The following CNTNAP5 variants were observed in gnomAD, a reference collection of about 807,000 sequenced individuals.
CNTNAP5 encodes contactin associated protein family member 5.
A neutral mutation model predicts 150.2 loss-of-function variants in CNTNAP5; 72 were observed. The ratio of observed to expected loss-of-function variants is 0.48; its 90% CI spans 0.40 to 0.58. The LOEUF is 0.58. CNTNAP5 is among the 20% of genes least tolerant of loss of function. The pLI, the probability that CNTNAP5 is intolerant of heterozygous loss-of-function variation, is 0.00. For synonymous variants in CNTNAP5, 672 were observed against 619.8 expected (o/e 1.08, Z -1.25); for missense variants, 1,636 against 1,626.2 (o/e 1.01, Z -0.10).
At chr2:124,259,483 A>T (rs1051143366) in intron 3 of CNTNAP5, among the ~76,000 whole-genome samples, 4 of 152,124 alleles carry the variant, frequency 2.6e-5, no homozygotes, top group African/African-American at 9.7e-5. Context: ...AACAGTGTAA[A>T]AGTGTTCCTA....
intron 1 of CNTNAP5, among the ~76,000 whole-genome samples, chr2:124,169,023 G>T (rs1176441596): frequency 1.3e-5 from 2 of 151,928 alleles, no homozygotes; most frequent in African/African-American, 4.8e-5. Flanking sequence ...TGCCCACTTA[G>T]AATCAGTAGG....
intron 21 of CNTNAP5, among the ~76,000 whole-genome samples, chr2:124,876,556 T>C (rs531581303): frequency 1.3e-5 from 2 of 152,110 alleles, no homozygotes; most frequent in East Asian, 1.9e-4. Context: ...AGTTCAAATA[T>C]GTTGCGGTAT....
At chr2:124,423,593 G>A (rs1372815136) in intron 4 of CNTNAP5, among the ~76,000 whole-genome samples, 4 of 143,590 alleles carry the variant, frequency 2.8e-5, no homozygotes, top group African/African-American at 7.8e-5. Flanking sequence ...TGATCCGCCC[G>A]CCTCAGCCTG....
intron 3 of CNTNAP5, among the ~76,000 whole-genome samples, chr2:124,414,986 C>T (rs1465623728): frequency 1.3e-5 from 2 of 152,066 alleles, no homozygotes; most frequent in Non-Finnish European, 2.9e-5. Flanking sequence ...TAAGAAACCA[C>T]CAGAACCCAT....
intron 1 of CNTNAP5, among the ~76,000 whole-genome samples, chr2:124,109,709 C>A (rs896225771): frequency 2.7e-4 from 40 of 150,866 alleles, no homozygotes; most frequent in African/African-American, 9.2e-4. Context: ...GGGCTGACCC[C>A]CATGCACCTT....
intron 22 of CNTNAP5, among the ~76,000 whole-genome samples, chr2:124,907,987 A>T (rs552550084): frequency 1.3e-5 from 2 of 152,052 alleles, no homozygotes; most frequent in South Asian, 4.2e-4. Context: ...ATCAATGTTA[A>T]GTAATAACCA....
chr2:124,287,986 A>T (rs781238169), intron 3 of CNTNAP5, among the ~76,000 whole-genome samples: 2 of 152,112 alleles, frequency 1.3e-5, no homozygotes, highest in Non-Finnish European at 2.9e-5. Flanking sequence ...CTGGAGTGCA[A>T]TAACGCAACC....
intron 18 of CNTNAP5, among the ~76,000 whole-genome samples, chr2:124,793,626 C>G (rs560040028): frequency 1.6e-4 from 25 of 152,162 alleles, no homozygotes; most frequent in African/African-American, 5.3e-4. Context: ...CATGGTTTCT[C>G]CTAAGAGTTT....
At chr2:124,613,975 T>C (rs977937584) in intron 12 of CNTNAP5, among the ~76,000 whole-genome samples, 2 of 152,086 alleles carry the variant, frequency 1.3e-5, no homozygotes, top group Non-Finnish European at 2.9e-5. Context: ...GAGAGCACAA[T>C]TTTTGGTTGG....
At chr2:124,440,495 C>G (rs954469560) in intron 5 of CNTNAP5, among the ~76,000 whole-genome samples, 5 of 152,058 alleles carry the variant, frequency 3.3e-5, no homozygotes, top group Non-Finnish European at 7.4e-5. Context: ...TCAAACAAGG[C>G]ATTTGGTTGA....
rs1207753849 is a variant in CNTNAP5 at position 124,142,496 on chromosome 2, C to T, written c.83-79209C>T. On this transcript the variant is annotated intron_variant, in intron 1 of 23. Coordinates refer to ENST00000682447, the MANE Select transcript of CNTNAP5 (RefSeq NM_001367498.1). ...CAGGATTAAGAATCTCACTCAAAGC[C>T]GCTCAACTACATGGAAACTGAACAA... is the stretch of plus-strand genomic sequence containing the variant. Among the ~76,000 whole-genome samples the T allele has an allele frequency of 6.8e-5, 10 of 146,466 alleles. No homozygotes were observed. In the East Asian group the frequency reaches 1.0e-3, roughly 15 times the overall value.
intron 3 of CNTNAP5, among the ~76,000 whole-genome samples, chr2:124,327,927 GTCT>G (rs1208260098): frequency 4.6e-5 from 7 of 152,116 alleles, no homozygotes; most frequent in African/African-American, 1.7e-4. Flanking sequence ...GTTGAGAACT[GTCT>G]CAGATACTTT....
intron 1 of CNTNAP5, among the ~76,000 whole-genome samples, chr2:124,209,289 C>T (rs17319827): frequency 0.099 from 15,073 of 152,172 alleles, 816 homozygotes; most frequent in Non-Finnish European, 0.12. Context: ...AGAGAAGATG[C>T]GTTGCCTACC....
intron 13 of CNTNAP5, among the ~76,000 whole-genome samples, chr2:124,669,209 A>T (rs572486141): frequency 6.6e-6 from 1 of 152,314 alleles, no homozygotes; most frequent in South Asian, 2.1e-4. Flanking sequence ...CAGGACCTGC[A>T]TTTGGGAGAT....
At position 124,202,341 on chromosome 2, in the gene CNTNAP5, A is replaced by G. The variant is rs367732668; in HGVS notation, c.83-19364A>G. On this transcript the variant is annotated intron_variant, in intron 1 of 23. Transcript: ENST00000682447. ...TTGTGGGAGTGTCATAGCAGCCCCA[A>G]TAAATGTGATTCAGTGGCCATTCTG... is the stretch of plus-strand genomic sequence containing the variant. Among the ~76,000 whole-genome samples the G allele has an allele frequency of 8.5e-5, 13 of 152,328 alleles. No homozygotes were observed. In the South Asian group the frequency reaches 1.9e-3, roughly 22 times the overall value.
intron 1 of CNTNAP5, among the ~76,000 whole-genome samples, chr2:124,062,417 C>T (rs1238677225): frequency 6.6e-6 from 1 of 152,144 alleles, no homozygotes; most frequent in East Asian, 1.9e-4. Context: ...GTTGTTTTCT[C>T]CTTGAGGAAG....
At chr2:124,535,188 C>G (rs55931742) in intron 10 of CNTNAP5, among the ~76,000 whole-genome samples, 1 of 152,032 alleles carries the variant, frequency 6.6e-6, no homozygotes, top group Non-Finnish European at 1.5e-5. Context: ...GTGATGCTAC[C>G]GGGGAAGATC....
chr2:124,199,689 A>G (rs1454445802), intron 1 of CNTNAP5, among the ~76,000 whole-genome samples: 1 of 152,226 alleles, frequency 6.6e-6, no homozygotes, highest in Non-Finnish European at 1.5e-5. Flanking sequence ...AGCTGGGATT[A>G]CAGGCATGAG....
intron 3 of CNTNAP5, among the ~76,000 whole-genome samples, chr2:124,268,519 C>A (rs1246234773): frequency 1.3e-5 from 2 of 152,136 alleles, no homozygotes; most frequent in Non-Finnish European, 2.9e-5. Flanking sequence ...AGAGGCCTAC[C>A]TACCATATGC....
Sources: gnomAD v4.1 joint callset for allele counts (sites outside exome capture counted in the v4.1 genomes callset) on GRCh38, gnomAD v4.1.1 for gene constraint, MANE v1.5 for transcripts, NCBI Gene and HGNC (gene_info 2026-07-23, HGNC 2026-07-21) for gene names.